Variants in SLC24A2 observed in about 807,000 individuals in gnomAD.
SLC24A2 encodes the protein solute carrier family 24 member 2, also known as sodium/potassium/calcium exchanger 2.
Under a neutral mutation model 62.0 loss-of-function variants are expected in SLC24A2, and 36 were observed. The ratio of observed to expected loss-of-function variants is 0.58; its 90% CI spans 0.44 to 0.77. SLC24A2 has a LOEUF of 0.77. Ranked by LOEUF, SLC24A2 falls within the 30% of genes least tolerant of loss-of-function variation. The pLI, the probability that SLC24A2 is intolerant of heterozygous loss-of-function variation, is 0.00. For synonymous variants in SLC24A2, 358 were observed against 294.0 expected, an observed-to-expected ratio of 1.22 and a Z score of -2.23; for missense variants, 846 against 817.9, an observed-to-expected ratio of 1.03 and a Z score of -0.42.
the SLC24A2 span, among the ~76,000 whole-genome samples, chr9:20,136,671 G>T: frequency 6.6e-6 from 1 of 152,048 alleles, no homozygotes. Context: ...CAAGAAACAG[G>T]TCTCACTTAG....
the SLC24A2 span, among the ~76,000 whole-genome samples, chr9:20,035,322 C>G: frequency 6.6e-6 from 1 of 152,132 alleles, no homozygotes; most frequent in Non-Finnish European, 1.5e-5. Flanking sequence ...ATAGGAAATG[C>G]TCAATAAATA....
At chr9:19,701,719 G>A (rs1454109315) in intron 2 of SLC24A2, among the ~76,000 whole-genome samples, 1 of 152,170 alleles carries the variant, frequency 6.6e-6, no homozygotes, top group Non-Finnish European at 1.5e-5. Context: ...GAGCCTTCTT[G>A]AATTCCTCTT....
chr9:19,882,775 T>C, the SLC24A2 span, among the ~76,000 whole-genome samples: 1 of 152,048 alleles, frequency 6.6e-6, no homozygotes, highest in Non-Finnish European at 1.5e-5. Flanking sequence ...TTTAGCTCAA[T>C]GATTCAAATA....
intron 2 of SLC24A2, among the ~76,000 whole-genome samples, chr9:19,686,799 T>C (rs1161073166): frequency 6.6e-6 from 1 of 152,150 alleles, no homozygotes; most frequent in Non-Finnish European, 1.5e-5. Context: ...GGTATGTCTT[T>C]ATTGGCAGCA....
intron 2 of SLC24A2, among the ~76,000 whole-genome samples, chr9:19,647,205 A>C (rs1412308275): frequency 6.7e-6 from 1 of 149,332 alleles, no homozygotes; most frequent in Non-Finnish European, 1.5e-5. Context: ...CTCTTCCTTG[A>C]CAAGGAGTCT....
the SLC24A2 span, among the ~76,000 whole-genome samples, chr9:20,208,400 T>A: frequency 6.6e-6 from 1 of 152,216 alleles, no homozygotes; most frequent in Non-Finnish European, 1.5e-5. Flanking sequence ...CATTTTCCTC[T>A]TCTGATATGC....
the SLC24A2 span, among the ~76,000 whole-genome samples, chr9:20,284,452 T>A: frequency 6.6e-6 from 1 of 152,052 alleles, no homozygotes; most frequent in Middle Eastern, 3.4e-3. Flanking sequence ...TCAGGTACAT[T>A]ATCTTAATAA....
At chr9:19,516,765 T>G (rs969020939) in intron 10 of SLC24A2, among the ~76,000 whole-genome samples, 8 of 152,106 alleles carry the variant, frequency 5.3e-5, no homozygotes, top group African/African-American at 1.9e-4. Context: ...ATTCCAGGAT[T>G]TGCACAGGGT....
At chr9:20,158,191 A>C in the SLC24A2 span, among the ~76,000 whole-genome samples, 1 of 151,824 alleles carries the variant, frequency 6.6e-6, no homozygotes, top group East Asian at 2.0e-4. Flanking sequence ...ACTGAATAAA[A>C]AGACAAAACC....
At chr9:19,631,706 C>T (rs1221897697) in intron 2 of SLC24A2, among the ~76,000 whole-genome samples, 3 of 152,140 alleles carry the variant, frequency 2.0e-5, no homozygotes, top group Non-Finnish European at 4.4e-5. Flanking sequence ...CCATGAGGCA[C>T]AAAAGAATTG....
the SLC24A2 span, among the ~76,000 whole-genome samples, chr9:20,031,651 A>G: frequency 6.6e-6 from 1 of 152,078 alleles, no homozygotes. Flanking sequence ...ATGAGCTGTA[A>G]AAGGTGTCAC....
the SLC24A2 span, among the ~76,000 whole-genome samples, chr9:19,931,439 C>T: frequency 6.6e-6 from 1 of 152,108 alleles, no homozygotes; most frequent in Non-Finnish European, 1.5e-5. Context: ...TCTGATCACA[C>T]AAAAATCTAT....
the SLC24A2 span, among the ~76,000 whole-genome samples, chr9:20,070,169 T>G: frequency 6.6e-6 from 1 of 152,214 alleles, no homozygotes; most frequent in Non-Finnish European, 1.5e-5. Flanking sequence ...CCGAGATTCT[T>G]TGAACCTCTT....
the SLC24A2 span, among the ~76,000 whole-genome samples, chr9:19,990,896 G>A: frequency 8.2e-4 from 76 of 92,910 alleles, no homozygotes; most frequent in Non-Finnish European, 1.5e-3. Flanking sequence ...CTGTATTAGG[G>A]TTCTCTAGAG....
At chr9:20,282,521 A>T in the SLC24A2 span, among the ~76,000 whole-genome samples, 2 of 152,034 alleles carry the variant, frequency 1.3e-5, no homozygotes, top group African/African-American at 4.8e-5. Flanking sequence ...TAATGCCCCA[A>T]ATCATACTCT....
intron 2 of SLC24A2, among the ~76,000 whole-genome samples, chr9:19,745,452 T>C (rs1311505734): frequency 2.6e-5 from 4 of 152,166 alleles, no homozygotes; most frequent in Non-Finnish European, 5.9e-5. Context: ...AATATCAGCA[T>C]TGTCTGGGGG....
the SLC24A2 span, among the ~76,000 whole-genome samples, chr9:20,138,627 G>T: frequency 1.3e-5 from 2 of 152,126 alleles, no homozygotes; most frequent in Non-Finnish European, 2.9e-5. Flanking sequence ...AGGAGTAAGC[G>T]ATTCCTCCTC....
chr9:20,016,709 T>C, the SLC24A2 span, among the ~76,000 whole-genome samples: 1 of 152,160 alleles, frequency 6.6e-6, no homozygotes, highest in Non-Finnish European at 1.5e-5. Flanking sequence ...ACAGCAAGTA[T>C]AATGAAAACC....
the SLC24A2 span, among the ~76,000 whole-genome samples, chr9:19,887,077 G>C: frequency 6.6e-6 from 1 of 152,150 alleles, no homozygotes; most frequent in African/African-American, 2.4e-5. Flanking sequence ...GAGAGAATCA[G>C]GAAAAATAGC....
Sources: gnomAD v4.1 joint callset for allele counts (sites outside exome capture counted in the v4.1 genomes callset) on GRCh38, gnomAD v4.1.1 for gene constraint, MANE v1.5 for transcripts, NCBI Gene and HGNC (gene_info 2026-07-23, HGNC 2026-07-21) for gene names.